Variants in RABGAP1L observed in about 807,000 individuals in gnomAD.
RABGAP1L encodes rab GTPase-activating protein 1-like.
In RABGAP1L, 63 loss-of-function variants were observed where a neutral mutation model predicts 137.7. That is an observed-to-expected ratio of 0.46 (90% CI 0.37 to 0.56). The LOEUF (loss-of-function observed/expected upper bound fraction) is 0.56, where lower values mean the gene tolerates loss of function less well. Ranked by LOEUF, RABGAP1L falls within the 20% of genes least tolerant of loss-of-function variation. The pLI is 0.00. For missense variants in RABGAP1L, 1,095 were observed against 1,244.0 expected (o/e 0.88, Z 1.80); for synonymous variants, 431 against 433.7 (o/e 0.99, Z 0.08).
intron 19 of RABGAP1L, among the ~76,000 whole-genome samples, chr1:174,822,671 G>A (rs1442023636): frequency 2.6e-5 from 4 of 152,288 alleles, no homozygotes; most frequent in Non-Finnish European, 4.4e-5. Flanking sequence ...TAGGGTTCAC[G>A]CTCCTATGAA....
chr1:174,552,904 T>G lies in RABGAP1L; in HGVS notation c.1711-84471T>G, dbSNP rs184596124. Reference sequence around the variant, plus strand: ...CAGCATCTGTTATTTTTTGACTTTTTAATAACAGCCATTCTGACTGGTGTG... The same window carrying G: ...CAGCATCTGTTATTTTTTGACTTTTGAATAACAGCCATTCTGACTGGTGTG... On this transcript the variant is annotated intron_variant, in intron 13 of 25. Coordinates refer to ENST00000681986, the MANE Select transcript of RABGAP1L (RefSeq NM_001366446.1). 1.3e-3 allele frequency among the ~76,000 whole-genome samples: 195 copies of G among 152,336 alleles called. 1 individual carries two copies. The highest frequency in any genetic ancestry group is 4.6e-3 in the African/African-American group (191 of 41,578).
chr1:174,969,385 C>G lies in RABGAP1L; in HGVS notation c.2542C>G (p.Gln848Glu). The G allele has an allele frequency of 6.5e-7, 1 of 1,546,252 alleles. No individual in the cohort carries two copies. The highest frequency in any genetic ancestry group is 8.7e-7 in the Non-Finnish European group (1 of 1,143,070). ...AATTGCTCTACGGAATGACTTGGAT[C>G]AGGTAATCCTTAGAAATGAGACTGT... Reference protein sequence around the residue: ...SKIALRNDLDQAEDKADVLNK... With the variant: ...SKIALRNDLDEAEDKADVLNK... The change falls in exon 21 of 26, where the codon CAG becomes GAG. Residue 848 changes from glutamine to glutamate, a missense_variant and splice_region_variant. Physicochemically the swap from Gln to Glu is conservative, Grantham distance 29. Around this residue, in one of 4 missense-constraint regions of RABGAP1L, gnomAD observed 312 missense variants for 435.6 expected, o/e 0.72. Transcript: ENST00000681986.
At chr1:174,658,965 T>G (rs1176548290) in intron 14 of RABGAP1L, among the ~76,000 whole-genome samples, 2 of 152,166 alleles carry the variant, frequency 1.3e-5, no homozygotes, top group East Asian at 3.8e-4. Context: ...AAAAACTGAT[T>G]ATTTTCAAGA....
chr1:174,664,736 T>G (rs1676645765), intron 14 of RABGAP1L, among the ~76,000 whole-genome samples: 1 of 106,144 alleles, frequency 9.4e-6, no homozygotes, highest in Admixed American at 8.9e-5. Flanking sequence ...TCTGCTTTCT[T>G]TTTTTTTTTT....
intron 14 of RABGAP1L, among the ~76,000 whole-genome samples, chr1:174,673,623 A>AT (rs567623077): frequency 1.2e-4 from 19 of 152,056 alleles, no homozygotes; most frequent in East Asian, 3.9e-4. Context: ...TAAGGTCACA[A>AT]TTTTTTTTAT....
At chr1:174,641,320 C>T (rs2760058) in intron 14 of RABGAP1L, among the ~76,000 whole-genome samples, 56,155 of 151,854 alleles carry the variant, frequency 0.37, 13,640 homozygotes, top group African/African-American at 0.69. Context: ...CCTGTCAATT[C>T]CAGTTTTGCC....
intron 1 of RABGAP1L, among the ~76,000 whole-genome samples, chr1:174,209,513 T>C (rs1306986190): frequency 6.6e-6 from 1 of 152,202 alleles, no homozygotes; most frequent in Non-Finnish European, 1.5e-5. Flanking sequence ...CTCCTCTGCC[T>C]GTGGAAACGA....
At chr1:174,614,430 T>C (rs1357868423) in intron 13 of RABGAP1L, among the ~76,000 whole-genome samples, 4 of 152,220 alleles carry the variant, frequency 2.6e-5, no homozygotes, top group African/African-American at 9.6e-5. Context: ...GCTTGTAGAC[T>C]TTCTGCCGAG....
rs564230806 is a variant in RABGAP1L, at chr1:174,345,675, C to T, written c.1466-25304C>T. Among the ~76,000 whole-genome samples the T allele has an allele frequency of 2.0e-4, 30 of 152,172 alleles. No individual in the cohort carries two copies. The South Asian group carries it at 4.4e-3, about 22-fold the overall frequency. ...TCTTTAGTTTTTCCAAATATAAGAT[C>T]GTATCATCTCCAAAGAAAGATAATT... On this transcript the variant is annotated intron_variant, in intron 11 of 25. Transcript: ENST00000681986.
intron 19 of RABGAP1L, among the ~76,000 whole-genome samples, chr1:174,903,257 C>T (rs1045573556): frequency 2.6e-5 from 4 of 152,162 alleles, no homozygotes; most frequent in African/African-American, 9.7e-5. Flanking sequence ...GCTTCAATGC[C>T]CAGATATGCC....
intron 13 of RABGAP1L, among the ~76,000 whole-genome samples, chr1:174,438,587 G>A (rs1214026750): frequency 6.6e-6 from 1 of 150,900 alleles, no homozygotes; most frequent in Non-Finnish European, 1.5e-5. Context: ...GCATGGTGGT[G>A]GGCACCTGTA....
At chr1:174,836,992 A>T (rs913738163) in intron 19 of RABGAP1L, among the ~76,000 whole-genome samples, 6 of 152,204 alleles carry the variant, frequency 3.9e-5, no homozygotes, top group Admixed American at 6.5e-5. Context: ...AAATCACCTG[A>T]GGTCAGGAGT....
intron 19 of RABGAP1L, among the ~76,000 whole-genome samples, chr1:174,928,061 A>T (rs1025176364): frequency 6.6e-6 from 1 of 152,214 alleles, no homozygotes; most frequent in African/African-American, 2.4e-5. Context: ...ACTGTGCCCT[A>T]TAAGGCCCTT....
chr1:174,892,728 CTTTCTTT>C (rs1206563728), intron 19 of RABGAP1L: 5 of 395,762 alleles, frequency 1.3e-5, no homozygotes, highest in South Asian at 3.9e-5. Flanking sequence ...TCTTTGTTTT[CTTTCTTT>C]TTTTTTTTTT....
chr1:174,491,090 G>A (rs532153775), intron 13 of RABGAP1L, among the ~76,000 whole-genome samples: 3 of 151,812 alleles, frequency 2.0e-5, no homozygotes, highest in Admixed American at 6.6e-5. Flanking sequence ...TACCTAAGAT[G>A]CAAGACAAAG....
At chr1:174,474,934 G>A (rs572775484) in intron 13 of RABGAP1L, among the ~76,000 whole-genome samples, 4 of 151,822 alleles carry the variant, frequency 2.6e-5, no homozygotes, top group East Asian at 3.9e-4. Context: ...TATAAAGCAG[G>A]GAAAGTAATA....
At chr1:174,332,638 C>G (rs1472156656) in intron 11 of RABGAP1L, among the ~76,000 whole-genome samples, 2 of 152,110 alleles carry the variant, frequency 1.3e-5, no homozygotes, top group African/African-American at 4.8e-5. Context: ...TCAAGTGATT[C>G]ACCCTCCTCG....
At chr1:174,790,628 A>AG in intron 18 of RABGAP1L, among the ~76,000 whole-genome samples, 2 of 151,386 alleles carry the variant, frequency 1.3e-5, no homozygotes, top group East Asian at 3.9e-4. Flanking sequence ...AAGTGAAAAA[A>AG]AAAAAGAAAA....
At chr1:174,376,910 T>C (rs1685595648) in intron 12 of RABGAP1L, among the ~76,000 whole-genome samples, 1 of 152,144 alleles carries the variant, frequency 6.6e-6, no homozygotes, top group South Asian at 2.1e-4. Flanking sequence ...AATATAACAC[T>C]GTCTCTATTT....
Sources: allele counts gnomAD v4.1 joint callset (sites outside exome capture counted in the v4.1 genomes callset), GRCh38; gene constraint gnomAD v4.1.1; regional missense constraint gnomAD v4.1.1; transcripts MANE v1.5; gene names NCBI Gene and HGNC (gene_info 2026-07-23, HGNC 2026-07-21).